The following IGHMBP2 variants were observed in gnomAD, a reference collection of about 807,000 sequenced individuals.
The protein encoded by IGHMBP2 is DNA-binding protein SMUBP-2.
In IGHMBP2, 81 loss-of-function variants were observed where a neutral mutation model predicts 96.0. The ratio of observed to expected loss-of-function variants is 0.84; its 90% CI spans 0.71 to 1.01. The LOEUF is 1.01. Ranked by LOEUF, IGHMBP2 falls within the 50% of genes least tolerant of loss-of-function variation. The probability of loss-of-function intolerance (pLI) is 0.00; values close to 1 mark genes in which losing one functional copy is unlikely to be tolerated. For synonymous variants in IGHMBP2, 557 were observed against 548.9 expected, an observed-to-expected ratio of 1.01 and a Z score of -0.21; for missense variants, 1,227 against 1,306.3, an observed-to-expected ratio of 0.94 and a Z score of 0.94.
intron 5 of IGHMBP2, among the ~76,000 whole-genome samples, chr11:68,912,507 A>T (rs1027702176): frequency 8.9e-6 from 1 of 112,694 alleles, no homozygotes; most frequent in Admixed American, 1.1e-4. Flanking sequence ...ATCTTGGCAC[A>T]TGGAGAGTTT....
rs760649755 is a variant in IGHMBP2 at position 68,906,246 on chromosome 11, C to T, written c.256+8C>T. Reference sequence around the variant, plus strand: ...GTAACAGCTTTACTTCTGGTGTGTGCGTATTGACCTAGACAGACATTGAAA... The same window carrying T: ...GTAACAGCTTTACTTCTGGTGTGTGTGTATTGACCTAGACAGACATTGAAA... On this transcript the variant is annotated splice_region_variant and intron_variant, in intron 2 of 14. Transcript: ENST00000255078. 36 of 1,613,516 alleles carry T rather than the reference C, an allele frequency of 2.2e-5. No individual in the cohort carries two copies. The Middle Eastern group carries it at 5.0e-4, about 23-fold the overall frequency.
intron 8 of IGHMBP2, 119 bp from the exon 9 acceptor site, chr11:68,933,180 C>A: frequency 9.4e-7 from 1 of 1,062,200 alleles, no homozygotes; most frequent in Non-Finnish European, 1.4e-6. Context: ...ACTTCTGGGT[C>A]AGAATCCAGG....
At chr11:68,908,440 G>T in intron 3 of IGHMBP2, 94 bp from the exon 4 acceptor site, 1 of 1,442,408 alleles carries the variant, frequency 6.9e-7, no homozygotes, top group Non-Finnish European at 9.7e-7. Flanking sequence ...GTCATGGTGT[G>T]GGTGTGGCCC....
intron 11 of IGHMBP2, 128 bp downstream of exon 11, chr11:68,934,686 G>C (rs1392896463): frequency 1.8e-5 from 14 of 761,196 alleles, no homozygotes; most frequent in Non-Finnish European, 3.2e-5. Context: ...ACCTTATTGT[G>C]ACTGGATCCA....
rs191438237 is a variant in IGHMBP2 at position 68,928,227 on chromosome 11, G to T, written c.1061-956G>T. Among the ~76,000 whole-genome samples the T allele has an allele frequency of 1.4e-3, 215 of 152,270 alleles. 1 individual carries two copies. Among genetic ancestry groups the T allele is most frequent in the African/African-American group, 5.0e-3 (208 of 41,556 alleles). ...GGCCTTTGTGGCCTTTCTGTTCCCT[G>T]CTGGTTGTTGGGGAACTAGAGTGAG... is the stretch of plus-strand genomic sequence containing the variant. On this transcript the variant is annotated intron_variant, in intron 7 of 14. Coordinates refer to ENST00000255078, the MANE Select transcript of IGHMBP2 (RefSeq NM_002180.3).
chr11:68,936,173 G>C, intron 12 of IGHMBP2, 64 bp from the exon 13 acceptor site: 1 of 1,583,606 alleles, frequency 6.3e-7, no homozygotes, highest in Non-Finnish European at 8.6e-7. Context: ...TGATAAGGGC[G>C]TAGGAGCCTG....
intron 7 of IGHMBP2, 130 bp downstream of exon 7, chr11:68,918,013 G>A (rs1455942516): frequency 1.1e-6 from 1 of 947,662 alleles, no homozygotes; most frequent in Non-Finnish European, 1.7e-6. Context: ...GGGTTCACTA[G>A]GGAAGGCCTC....
intron 8 of IGHMBP2, chr11:68,930,134 G>A (rs1327440225): frequency 4.2e-6 from 5 of 1,191,178 alleles, no homozygotes; most frequent in Admixed American, 3.5e-5. Flanking sequence ...GCCCTTACAC[G>A]AGGCCTGTGA....
chr11:68,938,190 G>A lies in IGHMBP2; in HGVS notation c.2620G>A (p.Ala874Thr). Residue 874 changes from alanine (A) to threonine (T), a missense_variant, in exon 14 of 15, where the codon GCC (alanine) becomes ACC (threonine). Physicochemically the swap from Ala to Thr is moderately conservative, Grantham distance 58. Coordinates refer to ENST00000255078, the MANE Select transcript of IGHMBP2 (RefSeq NM_002180.3). ...ACGCGGGTCTTCTCCAGGACATCCG[G>A]CCACAGATCTGCCCACGGAGGAGGA... Reference protein sequence around the residue: ...KKKKKAKGHPATDLPTEEDFE... With the variant: ...KKKKKAKGHPTTDLPTEEDFE... 6.2e-7 allele frequency: 1 copy of A among 1,614,046 alleles called. No individual in the cohort carries two copies.
chr11:68,929,395 C>A, intron 8 of IGHMBP2, 38 bp downstream of exon 8: 2 of 1,578,654 alleles, frequency 1.3e-6, no homozygotes, highest in Non-Finnish European at 8.7e-7. Flanking sequence ...TCTCTGCCCC[C>A]GCCCTCCTGC....
chr11:68,904,175 G>A, intron 1 of IGHMBP2, 137 bp downstream of exon 1: 2 of 751,380 alleles, frequency 2.7e-6, no homozygotes, highest in South Asian at 3.1e-5. Flanking sequence ...GGGATCGTCC[G>A]TCCCCTGCTT....
chr11:68,931,419 A>G (rs979801588), intron 8 of IGHMBP2, among the ~76,000 whole-genome samples: 1 of 152,006 alleles, frequency 6.6e-6, no homozygotes, highest in Admixed American at 6.5e-5. Context: ...GCAGCCACAG[A>G]TCTGGCGGCT....
chr11:68,940,084 A>G lies in IGHMBP2; in HGVS notation c.*353A>G, dbSNP rs187111099. 5.8e-4 allele frequency: 172 copies of G among 295,000 alleles called. 1 individual carries two copies. Among genetic ancestry groups the G allele is most frequent in the African/African-American group, 3.6e-3 (166 of 46,280 alleles). The allele number at this position is 295,000 out of a possible 1,614,324, so 18.3% of individuals were successfully genotyped here. On this transcript the variant is annotated 3_prime_UTR_variant, in exon 15 of 15. Coordinates refer to ENST00000255078, the MANE Select transcript of IGHMBP2 (RefSeq NM_002180.3). ...CCTCAAACTTGAAGTCACTCCTCCA[A>G]TGTCTGGGACTTGCCAGCTCAGCCC...
In IGHMBP2 at chr11:68,939,819, AGAGGAGCGGAGGGGCCTATGGGG is replaced by A. The variant is rs555038729; in HGVS notation, c.*102_*124del. Reference sequence around the variant, plus strand: ...CATGCTCCGCCTCCACCAGGGCCACAGAGGAGCGGAGGGGCCTATGGGGGAGGAGCGGAGGGCCCTGTTGGGGA... The same window carrying A: ...CATGCTCCGCCTCCACCAGGGCCACAGAGGAGCGGAGGGCCCTGTTGGGGA... On this transcript the variant is annotated 3_prime_UTR_variant, in exon 15 of 15. Coordinates refer to ENST00000255078, the MANE Select transcript of IGHMBP2 (RefSeq NM_002180.3). The A allele has an allele frequency of 5.8e-6, 8 of 1,385,050 alleles. No homozygotes were observed. Among genetic ancestry groups the A allele is most frequent in the South Asian group, 2.6e-5 (2 of 75,986 alleles). 85.8% of individuals were successfully genotyped at this position (1,385,050 alleles called of 1,614,324 possible).
chr11:68,939,765 C>G lies in IGHMBP2; in HGVS notation c.*34C>G. The G allele has an allele frequency of 6.4e-7, 1 of 1,573,294 alleles. No homozygotes were observed. The highest frequency in any genetic ancestry group is 8.6e-7 in the Non-Finnish European group (1 of 1,158,740). On this transcript the variant is annotated 3_prime_UTR_variant, in exon 15 of 15. Coordinates refer to ENST00000255078, the MANE Select transcript of IGHMBP2 (RefSeq NM_002180.3). ...ATCCTTGCACGCCCCGCGGAGCTCT[C>G]TCCATGGTAGCCCAGGGCGCTGGCA...
In IGHMBP2 at chr11:68,939,775, G is replaced by A; in HGVS notation, c.*44G>A. ...GCCCCGCGGAGCTCTCTCCATGGTA[G>A]CCCAGGGCGCTGGCAGACCATGCTC... is the stretch of plus-strand genomic sequence containing the variant. On this transcript the variant is annotated 3_prime_UTR_variant, in exon 15 of 15. Transcript: ENST00000255078. The A allele has an allele frequency of 6.4e-7, 1 of 1,553,066 alleles. No homozygotes were observed. The highest frequency in any genetic ancestry group is 8.7e-7 in the Non-Finnish European group (1 of 1,144,498).
At chr11:68,914,392 G>A (rs1436548299) in intron 5 of IGHMBP2, among the ~76,000 whole-genome samples, 1 of 152,174 alleles carries the variant, frequency 6.6e-6, no homozygotes, top group Non-Finnish European at 1.5e-5. Context: ...TGTCCCCCTC[G>A]CAGGGCGTGG....
intron 7 of IGHMBP2, among the ~76,000 whole-genome samples, chr11:68,922,810 A>C (rs1278433658): frequency 6.6e-6 from 1 of 152,216 alleles, no homozygotes; most frequent in Non-Finnish European, 1.5e-5. Flanking sequence ...GATCTATAGA[A>C]TTTATCTTGC....
In IGHMBP2 at chr11:68,923,355, A is replaced by G. The variant is rs1328122946; in HGVS notation, c.1060+5472A>G. 2.6e-5 allele frequency among the ~76,000 whole-genome samples: 4 copies of G among 152,060 alleles called. No individual in the cohort carries two copies. The East Asian group carries it at 7.7e-4, about 29-fold the overall frequency. The stretch of plus-strand genomic sequence containing the variant: ...GTAGCTGGGACTACAGGCATGCGCT[A>G]CCATGCCCGGCTAATTTTTGTATTT... On this transcript the variant is annotated intron_variant, in intron 7 of 14. Transcript: ENST00000255078.
Sources: allele counts gnomAD v4.1 joint callset (sites outside exome capture counted in the v4.1 genomes callset), GRCh38; gene constraint gnomAD v4.1.1; transcripts MANE v1.5; gene names NCBI Gene and HGNC (gene_info 2026-07-23, HGNC 2026-07-21).